DIP2C: variants seen among roughly 807,000 people sequenced by gnomAD.
The protein encoded by DIP2C is disco-interacting protein 2 homolog C.
DIP2C carries 33 observed loss-of-function variants against 192.4 expected under a neutral mutation model. The ratio of observed to expected loss-of-function variants is 0.17; its 90% CI spans 0.13 to 0.23. The LOEUF is 0.23. Among genes scored for constraint, DIP2C ranks in the 10% least tolerant of loss-of-function variants. DIP2C has a pLI of 1.00. For synonymous variants in DIP2C, 979 were observed against 864.1 expected, an observed-to-expected ratio of 1.13 and a Z score of -2.33; for missense variants, 1,537 against 2,110.1, an observed-to-expected ratio of 0.73 and a Z score of 5.32.
chr10:465,748 A>G (rs1970146102), intron 3 of DIP2C, among the ~76,000 whole-genome samples: 1 of 151,748 alleles, frequency 6.6e-6, no homozygotes, highest in Non-Finnish European at 1.5e-5. Context: ...CCAACAGCAG[A>G]CAAACAGAGA....
intron 1 of DIP2C, among the ~76,000 whole-genome samples, chr10:538,408 G>A (rs1351308546): frequency 1.3e-5 from 2 of 152,190 alleles, no homozygotes; most frequent in South Asian, 2.1e-4. Flanking sequence ...TTCAGCCTTG[G>A]CCTTCCAAAG....
chr10:610,558 GTACA>G (rs1190578331), intron 1 of DIP2C, among the ~76,000 whole-genome samples: 1 of 152,232 alleles, frequency 6.6e-6, no homozygotes, highest in African/African-American at 2.4e-5. Flanking sequence ...CTGAAAATAT[GTACA>G]TATATTATGT....
chr10:479,099 C>T lies in DIP2C; in HGVS notation c.158-6550G>A, dbSNP rs535053615. Among the ~76,000 whole-genome samples the T allele has an allele frequency of 1.8e-4, 27 of 152,298 alleles. No homozygotes were observed. In the South Asian group the frequency reaches 5.6e-3, roughly 32 times the overall value. On this transcript the variant is annotated intron_variant, in intron 2 of 36. Transcript: ENST00000280886. Reference sequence around the variant, plus strand: ...TCTGTCCCAGAGCAGTTTCTAAATCCAGTCCCATTCTCTCCAGGTCTCAAT... The same window carrying T: ...TCTGTCCCAGAGCAGTTTCTAAATCTAGTCCCATTCTCTCCAGGTCTCAAT...
intron 1 of DIP2C, among the ~76,000 whole-genome samples, chr10:556,983 C>T (rs967493557): frequency 4.6e-5 from 7 of 152,332 alleles, no homozygotes; most frequent in Non-Finnish European, 1.0e-4. Context: ...TTTAAGACAA[C>T]AGCCAGGGCT....
At chr10:352,023 G>A (rs1163319921) in intron 24 of DIP2C, among the ~76,000 whole-genome samples, 2 of 152,168 alleles carry the variant, frequency 1.3e-5, no homozygotes, top group African/African-American at 2.4e-5. Context: ...CTCAGCCCCC[G>A]CCCCGCTGAG....
intron 14 of DIP2C, 70 bp downstream of exon 14, chr10:387,675 C>G (rs1963082275): frequency 1.4e-6 from 2 of 1,380,444 alleles, no homozygotes; most frequent in Non-Finnish European, 2.1e-6. Context: ...AGGGGGACTC[C>G]TGTGTGGACA....
At chr10:661,607 C>A (rs879718899) in intron 1 of DIP2C, among the ~76,000 whole-genome samples, 2 of 152,208 alleles carry the variant, frequency 1.3e-5, no homozygotes, top group African/African-American at 2.4e-5. Context: ...CTGCACCGTG[C>A]AGCTCTTCTC....
chr10:451,299 C>T (rs1322162456), intron 3 of DIP2C, among the ~76,000 whole-genome samples: 3 of 151,960 alleles, frequency 2.0e-5, no homozygotes, highest in African/African-American at 7.3e-5. Flanking sequence ...CAAACCTCAA[C>T]ACTTTGTCTA....
At chr10:467,472 G>A (rs1309813881) in intron 3 of DIP2C, among the ~76,000 whole-genome samples, 3 of 144,182 alleles carry the variant, frequency 2.1e-5, no homozygotes, top group Admixed American at 7.3e-5. Flanking sequence ...CATGGCATAT[G>A]TATACATATG....
intron 2 of DIP2C, among the ~76,000 whole-genome samples, chr10:483,559 C>T (rs143925559): frequency 3.2e-4 from 48 of 152,326 alleles, no homozygotes; most frequent in African/African-American, 8.2e-4. Context: ...CGGCCCGGGC[C>T]GTCCTTCTCC....
At chr10:485,617 C>T (rs979689003) in intron 2 of DIP2C, among the ~76,000 whole-genome samples, 5 of 152,206 alleles carry the variant, frequency 3.3e-5, no homozygotes, top group Admixed American at 1.3e-4. Context: ...TCAACAGGAC[C>T]CGGACGGGCC....
At chr10:545,166 C>CCCCTTTTTTTTT (rs1554896881) in intron 1 of DIP2C, among the ~76,000 whole-genome samples, 1 of 86,336 alleles carries the variant, frequency 1.2e-5, no homozygotes, top group African/African-American at 5.7e-5. Context: ...GGTGTTTTCC[C>CCCCTTTTTTTTT]TTTTTTTTTT....
chr10:475,250 G>T (rs912924013), intron 2 of DIP2C, among the ~76,000 whole-genome samples: 1 of 152,194 alleles, frequency 6.6e-6, no homozygotes, highest in Non-Finnish European at 1.5e-5. Flanking sequence ...GCTGTCCGCC[G>T]TGTCTGCATC....
At chr10:542,024 C>T (rs773045292) in intron 1 of DIP2C, among the ~76,000 whole-genome samples, 2 of 152,230 alleles carry the variant, frequency 1.3e-5, no homozygotes, top group South Asian at 2.1e-4. Context: ...GTCTCCTGCA[C>T]ACTTGGCTCT....
chr10:632,338 G>A (rs1854567973), intron 1 of DIP2C, among the ~76,000 whole-genome samples: 1 of 152,058 alleles, frequency 6.6e-6, no homozygotes, highest in South Asian at 2.1e-4. Flanking sequence ...GCACCAGCGT[G>A]AACTCAGACC....
rs1205023003 is a variant in DIP2C, at chr10:413,920, G to A, written c.1050C>T (p.Leu350=). 1 of 1,613,854 alleles carries A rather than the reference G, an allele frequency of 6.2e-7. No individual in the cohort carries two copies. Among genetic ancestry groups the A allele is most frequent in the Non-Finnish European group, 8.5e-7 (1 of 1,179,850 alleles). ...MDTNGKPLYI[L]TYGKLWTRSM... The stretch of plus-strand genomic sequence containing the variant: ...AGTGAGCCTGGGGATTACCGTAAGT[G>A]AGGATGTAGAGGGGCTTCCCGTTGG... The change falls in exon 8 of 37, where the codon CTC becomes CTT. Residue 350 remains leucine (L), a synonymous_variant. Coordinates refer to ENST00000280886, the MANE Select transcript of DIP2C (RefSeq NM_014974.3).
At chr10:418,195 G>T (rs11252308) in intron 6 of DIP2C, among the ~76,000 whole-genome samples, 4,275 of 17,470 alleles carry the variant, frequency 0.24, 1,465 homozygotes, top group Non-Finnish European at 0.29. Context: ...CTGTCAGGGC[G>T]CGGACAGGCC....
At chr10:436,849 T>C (rs1189922754) in intron 4 of DIP2C, among the ~76,000 whole-genome samples, 7 of 125,242 alleles carry the variant, frequency 5.6e-5, no homozygotes, top group South Asian at 2.9e-4. Flanking sequence ...GAGCTCTCTC[T>C]GAGCTCCACC....
intron 3 of DIP2C, among the ~76,000 whole-genome samples, chr10:458,449 G>A (rs1969480085): frequency 6.6e-6 from 1 of 152,232 alleles, no homozygotes; most frequent in African/African-American, 2.4e-5. Context: ...GTGACAGCAA[G>A]GAGGATGCCC....
Sources: allele counts gnomAD v4.1 joint callset (sites outside exome capture counted in the v4.1 genomes callset), GRCh38; gene constraint gnomAD v4.1.1; transcripts MANE v1.5; gene names NCBI Gene and HGNC (gene_info 2026-07-23, HGNC 2026-07-21).